The following POLR1A variants were observed in gnomAD, a reference collection of about 807,000 sequenced individuals.
POLR1A encodes the protein RNA polymerase I subunit A.
A neutral mutation model predicts 205.3 loss-of-function variants in POLR1A; 84 were observed. The ratio of observed to expected loss-of-function variants is 0.41; its 90% CI spans 0.34 to 0.49. POLR1A has a LOEUF of 0.49. POLR1A is among the 20% of genes least tolerant of loss of function. POLR1A has a pLI of 0.22. For synonymous variants in POLR1A, 799 were observed against 863.7 expected (o/e 0.93, Z 1.31); for missense variants, 1,645 against 2,204.5 (o/e 0.75, Z 5.08).
chr2:86,080,127 G>A (rs1201853416), intron 9 of POLR1A, among the ~76,000 whole-genome samples: 2 of 152,136 alleles, frequency 1.3e-5, no homozygotes, highest in East Asian at 3.9e-4. Context: ...AGCGGCTGGA[G>A]TCTGAGAACC....
At position 86,026,428 on chromosome 2, in the gene POLR1A, G is replaced by A. The variant is rs191943883; in HGVS notation, c.*995C>T. The A allele has an allele frequency of 6.6e-6, 1 of 152,322 alleles. No individual in the cohort carries two copies. The highest frequency in any genetic ancestry group is 2.4e-5 in the African/African-American group (1 of 41,562). The allele number at this position is 152,322 out of a possible 1,614,324, so 9.4% of individuals were successfully genotyped here. On this transcript the variant is annotated 3_prime_UTR_variant, in exon 34 of 34. Transcript: ENST00000263857. Reference sequence around the variant, plus strand: ...GAAATAACAGTAGACAAAGATAGAAGCTAGCCTCTGGTTTTACAAAGCCTT... The same window carrying A: ...GAAATAACAGTAGACAAAGATAGAAACTAGCCTCTGGTTTTACAAAGCCTT...
chr2:86,027,698 C>T (rs1388304386), intron 33 of POLR1A, among the ~76,000 whole-genome samples, 175 bp from the exon 34 acceptor site: 2 of 152,206 alleles, frequency 1.3e-5, no homozygotes, highest in Non-Finnish European at 2.9e-5. Flanking sequence ...AGGCCCTCTT[C>T]CTGTTCCTTC....
chr2:86,042,085 C>A lies in POLR1A; in HGVS notation c.3376G>T (p.Glu1126Ter). 6.2e-7 allele frequency: 1 copy of A among 1,612,526 alleles called. No individual in the cohort carries two copies. The highest frequency in any genetic ancestry group is 8.5e-7 in the Non-Finnish European group (1 of 1,179,800). ...TTCCTTCGGCTTTCCTCATCCAACT[C>A]ATACCACATCCTCAGCATCTGAACA... ...GTQEMLRMWYELDEESRRKYQ... is the reference protein window; with the variant it reads ...GTQEMLRMWY Residue 1126 changes from glutamate to a stop codon, truncating the protein, a stop_gained, in exon 24 of 34, where the codon GAG becomes TAG. Transcript: ENST00000263857. LOFTEE classifies it high-confidence loss of function.
intron 1 of POLR1A, among the ~76,000 whole-genome samples, chr2:86,102,745 A>G (rs1673845179): frequency 6.6e-6 from 1 of 152,156 alleles, no homozygotes. Context: ...CCATTACAGG[A>G]GTGGGATGAA....
At chr2:86,069,272 A>G (rs989934869) in intron 13 of POLR1A, among the ~76,000 whole-genome samples, 1 of 152,264 alleles carries the variant, frequency 6.6e-6, no homozygotes, top group Non-Finnish European at 1.5e-5. Context: ...CAAATGGCTT[A>G]TAATTTAGGA....
chr2:86,065,905 C>T (rs143971936), intron 13 of POLR1A, among the ~76,000 whole-genome samples: 2 of 152,364 alleles, frequency 1.3e-5, no homozygotes, highest in East Asian at 3.8e-4. Context: ...ATGCACTCAA[C>T]AAATATTTAT....
At position 86,088,813 on chromosome 2, in the gene POLR1A, T is replaced by C. The variant is rs746733877; in HGVS notation, c.598A>G (p.Met200Val). 1 of 1,614,080 alleles carries C rather than the reference T, an allele frequency of 6.2e-7. No individual in the cohort carries two copies. Among genetic ancestry groups the C allele is most frequent in the Non-Finnish European group, 8.5e-7 (1 of 1,179,924 alleles). Residue 200 changes from methionine (M) to valine (V), a missense_variant, in exon 5 of 34, where the codon ATG becomes GTG. Met to Val is a conservative substitution (Grantham distance 21). Transcript: ENST00000263857. ...CAGTGGGGACAGCGCTTAGCATTCA[T>C]ATGTGCCTTCCAGAAGAGAGCAATG... ...KLIALFWKAH[M>V]NAKRCPHCKT...
intron 28 of POLR1A, among the ~76,000 whole-genome samples, 193 bp downstream of exon 28, chr2:86,033,468 C>T (rs1405122114): frequency 1.3e-5 from 2 of 152,244 alleles, no homozygotes; most frequent in African/African-American, 2.4e-5. Flanking sequence ...CTGGCAGCCT[C>T]GCTTGCCTGG....
chr2:86,052,471 G>A (rs1353372593), intron 16 of POLR1A, among the ~76,000 whole-genome samples: 1 of 152,252 alleles, frequency 6.6e-6, no homozygotes, highest in Non-Finnish European at 1.5e-5. Context: ...CTGTGGAGGA[G>A]AGGGGTGGCC....
chr2:86,047,083 G>C, intron 19 of POLR1A, 82 bp downstream of exon 19: 1 of 885,602 alleles, frequency 1.1e-6, no homozygotes, highest in Admixed American at 1.8e-5. Context: ...GTTTTATAGG[G>C]AACAAACTGA....
chr2:86,100,651 A>T (rs1352852475), intron 1 of POLR1A, among the ~76,000 whole-genome samples: 2 of 151,334 alleles, frequency 1.3e-5, no homozygotes, highest in African/African-American at 2.4e-5. Flanking sequence ...CTCCCACCTC[A>T]GCCTCCCGAG....
chr2:86,066,306 C>T (rs1673084011), intron 13 of POLR1A, among the ~76,000 whole-genome samples: 1 of 151,994 alleles, frequency 6.6e-6, no homozygotes, highest in Non-Finnish European at 1.5e-5. Flanking sequence ...TCATGGTGGG[C>T]CCTTAATAAA....
intron 26 of POLR1A, among the ~76,000 whole-genome samples, 168 bp downstream of exon 26, chr2:86,039,159 A>C (rs563152527): frequency 1.3e-5 from 2 of 152,292 alleles, no homozygotes; most frequent in East Asian, 3.9e-4. Context: ...CTCTCTTAAA[A>C]GCTTCCTGAT....
Position 86,079,753 on chromosome 2 carries a change from G to C in POLR1A, c.1086+1063C>G, listed in dbSNP as rs1332760854. 3.3e-5 allele frequency among the ~76,000 whole-genome samples: 5 copies of C among 152,016 alleles called. No homozygotes were observed. The East Asian group carries it at 7.7e-4, about 24-fold the overall frequency. ...ATTTTTTGTATTTTTGGTAGAGACA[G>C]GGTTTCGCCATGTTGCCCACCTGGT... On this transcript the variant is annotated intron_variant, in intron 9 of 33. Transcript: ENST00000263857.
intron 15 of POLR1A, 135 bp from the exon 16 acceptor site, chr2:86,053,135 A>G (rs1217961717): frequency 1.1e-5 from 5 of 449,116 alleles, no homozygotes; most frequent in African/African-American, 4.1e-5. Flanking sequence ...TCATGGAAAA[A>G]AGTAGGGCAT....
chr2:86,072,971 G>A (rs1001680439), intron 12 of POLR1A, among the ~76,000 whole-genome samples: 2 of 152,100 alleles, frequency 1.3e-5, no homozygotes, highest in African/African-American at 4.8e-5. Context: ...CCAGAACTTC[G>A]GGAGGCTGAG....
At position 86,052,834 on chromosome 2, in the gene POLR1A, T is replaced by A. The variant is rs775617280; in HGVS notation, c.2375A>T (p.Tyr792Phe). The change falls in exon 16 of 34, where the codon TAC becomes TTC. Residue 792 changes from tyrosine (Y) to phenylalanine (F), a missense_variant. Coordinates refer to ENST00000263857, the MANE Select transcript of POLR1A (RefSeq NM_015425.6). ...ARLFTAYLQL[Y>F]RGFTLGVEDI... ...GCACTTACCCAAGGTGAAGCCTCTG[T>A]AGAGCTGCAGGTAGGCGGTGAAGAG... 6.3e-7 allele frequency: 1 copy of A among 1,576,182 alleles called. No individual in the cohort carries two copies. Among genetic ancestry groups the A allele is most frequent in the African/African-American group, 1.4e-5 (1 of 73,208 alleles).
At position 86,028,377 on chromosome 2, in the gene POLR1A, T is replaced by C. The variant is rs1262797541; in HGVS notation, c.4897+217A>G. On this transcript the variant is annotated intron_variant, in intron 32 of 33. Coordinates refer to ENST00000263857, the MANE Select transcript of POLR1A (RefSeq NM_015425.6). The surrounding 1 kb of genome is among the most constrained non-coding windows in gnomAD (Gnocchi z 4.5). ...GAGCTTTCTCTAAGGCACCAGCAGA[T>C]GAGACACCACTGAAGCGGTCTCAGT... Among the ~76,000 whole-genome samples the C allele has an allele frequency of 2.6e-5, 4 of 152,220 alleles. No homozygotes were observed. The highest frequency in any genetic ancestry group is 5.9e-5 in the Non-Finnish European group (4 of 68,048).
At chr2:86,078,734 T>C (rs1374035852) in intron 9 of POLR1A, among the ~76,000 whole-genome samples, 3 of 152,218 alleles carry the variant, frequency 2.0e-5, no homozygotes, top group Non-Finnish European at 2.9e-5. Context: ...AACATGCAGG[T>C]GGAACAATTT....
Sources: allele counts gnomAD v4.1 joint callset (sites outside exome capture counted in the v4.1 genomes callset), GRCh38; gene constraint gnomAD v4.1.1; non-coding constraint Gnocchi (gnomAD v3.1); transcripts MANE v1.5; gene names NCBI Gene and HGNC (gene_info 2026-07-23, HGNC 2026-07-21).